The following PRKG1 variants were observed in gnomAD, a reference collection of about 807,000 sequenced individuals.
PRKG1 encodes the protein protein kinase cGMP-dependent 1.
PRKG1 carries 35 observed loss-of-function variants against 88.1 expected under a neutral mutation model. That is an observed-to-expected ratio of 0.40 (90% CI 0.30 to 0.53). The LOEUF (loss-of-function observed/expected upper bound fraction) is 0.53, where lower values mean the gene tolerates loss of function less well. Among genes scored for constraint, PRKG1 ranks in the 20% least tolerant of loss-of-function variants. PRKG1 has a pLI of 0.59. For synonymous variants in PRKG1, 303 were observed against 292.5 expected, an observed-to-expected ratio of 1.04 and a Z score of -0.37; for missense variants, 540 against 839.8, an observed-to-expected ratio of 0.64 and a Z score of 4.41.
chr10:51,296,074 G>A (rs1482622415), intron 2 of PRKG1, among the ~76,000 whole-genome samples: 1 of 151,940 alleles, frequency 6.6e-6, no homozygotes, highest in Non-Finnish European at 1.5e-5. Flanking sequence ...AATGCTGTTT[G>A]CTAGTATTTT....
chr10:51,971,759 G>A (rs1426018529), intron 5 of PRKG1, among the ~76,000 whole-genome samples: 4 of 151,956 alleles, frequency 2.6e-5, no homozygotes, highest in African/African-American at 7.3e-5. Flanking sequence ...TTTTATTATA[G>A]CACCTTGTCA....
chr10:52,038,695 C>T (rs1002464987), intron 5 of PRKG1, among the ~76,000 whole-genome samples: 18 of 152,100 alleles, frequency 1.2e-4, no homozygotes, highest in African/African-American at 2.7e-4. Flanking sequence ...CCAAGGCAGG[C>T]GTCCCTGCGT....
chr10:51,984,517 C>T (rs1402084504), intron 5 of PRKG1, among the ~76,000 whole-genome samples: 1 of 152,070 alleles, frequency 6.6e-6, no homozygotes, highest in Non-Finnish European at 1.5e-5. Flanking sequence ...CTCAATTGTG[C>T]TTGTGTTATA....
intron 2 of PRKG1, among the ~76,000 whole-genome samples, chr10:51,359,864 A>C (rs572699216): frequency 6.6e-6 from 1 of 151,950 alleles, no homozygotes; most frequent in Non-Finnish European, 1.5e-5. Flanking sequence ...TTTAATGCAG[A>C]TATGTCAGAC....
intron 2 of PRKG1, among the ~76,000 whole-genome samples, chr10:51,416,572 G>T (rs1157396026): frequency 6.6e-6 from 1 of 152,078 alleles, no homozygotes; most frequent in African/African-American, 2.4e-5. Flanking sequence ...ACATAAAATA[G>T]AAATAAAATA....
At chr10:51,948,294 T>C (rs113539538) in intron 5 of PRKG1, among the ~76,000 whole-genome samples, 237 of 152,290 alleles carry the variant, frequency 1.6e-3, no homozygotes, top group African/African-American at 5.4e-3. Context: ...TGACTGATAT[T>C]TACATTCCTA....
intron 2 of PRKG1, among the ~76,000 whole-genome samples, chr10:51,184,074 A>G (rs910671902): frequency 1.3e-5 from 2 of 152,164 alleles, no homozygotes; most frequent in Admixed American, 6.5e-5. Flanking sequence ...TGTCTCAGCC[A>G]TGTCTTATAG....
intron 1 of PRKG1, among the ~76,000 whole-genome samples, chr10:51,046,132 T>C (rs1256161093): frequency 6.6e-6 from 1 of 152,270 alleles, no homozygotes; most frequent in Admixed American, 6.5e-5. Context: ...TGAAAACTTC[T>C]TCCAGTATGT....
chr10:52,198,809 TGTGA>T (rs1274414605), intron 9 of PRKG1, among the ~76,000 whole-genome samples: 1 of 81,042 alleles, frequency 1.2e-5, no homozygotes. Flanking sequence ...CCTTTTGGGG[TGTGA>T]GTGTGTGTGT....
chr10:52,197,073 G>T (rs1241658358), intron 9 of PRKG1, among the ~76,000 whole-genome samples: 1 of 152,106 alleles, frequency 6.6e-6, no homozygotes, highest in Non-Finnish European at 1.5e-5. Flanking sequence ...AACACTTGTA[G>T]GTTTCCATTT....
intron 8 of PRKG1, among the ~76,000 whole-genome samples, chr10:52,143,206 C>G (rs750272575): frequency 2.0e-5 from 3 of 152,158 alleles, no homozygotes; most frequent in Admixed American, 6.6e-5. Context: ...CACCTCCCTT[C>G]TTGCCACCCC....
intron 3 of PRKG1, among the ~76,000 whole-genome samples, chr10:51,727,762 A>G (rs1167016065): frequency 6.6e-6 from 1 of 152,110 alleles, no homozygotes; most frequent in Non-Finnish European, 1.5e-5. Context: ...GACTGTTTAA[A>G]CCTATATTAT....
intron 5 of PRKG1, among the ~76,000 whole-genome samples, chr10:51,946,924 C>G (rs375648646): frequency 6.6e-6 from 1 of 152,088 alleles, no homozygotes; most frequent in Non-Finnish European, 1.5e-5. Context: ...AGGGACCCAC[C>G]TGAGGAGGCA....
intron 4 of PRKG1, among the ~76,000 whole-genome samples, chr10:51,806,272 A>G (rs916621134): frequency 4.1e-4 from 62 of 152,308 alleles, no homozygotes; most frequent in African/African-American, 1.4e-3. Context: ...TTTAGCTTCC[A>G]TAAGTTTGTT....
intron 3 of PRKG1, among the ~76,000 whole-genome samples, chr10:51,478,506 T>G (rs1013383889): frequency 6.6e-6 from 1 of 152,094 alleles, no homozygotes; most frequent in Admixed American, 6.6e-5. Context: ...ATTGTATAAT[T>G]TTATATCCTT....
chr10:51,262,093 A>G (rs974176488), intron 2 of PRKG1, among the ~76,000 whole-genome samples: 1 of 151,656 alleles, frequency 6.6e-6, no homozygotes, highest in African/African-American at 2.4e-5. Context: ...TCACTGTGTT[A>G]GCCAGGATGG....
intron 9 of PRKG1, among the ~76,000 whole-genome samples, chr10:52,202,216 C>T (rs546186933): frequency 6.6e-6 from 1 of 152,146 alleles, no homozygotes; most frequent in African/African-American, 2.4e-5. Flanking sequence ...GAAGTATGTT[C>T]CTTCAATGCC....
intron 3 of PRKG1, among the ~76,000 whole-genome samples, chr10:51,570,251 C>A (rs143164101): frequency 1.2e-3 from 177 of 151,808 alleles, no homozygotes; most frequent in Non-Finnish European, 2.2e-3. Flanking sequence ...TCAAATTGAA[C>A]TACTAGTAGC....
At chr10:51,495,808 C>G (rs190999963) in intron 3 of PRKG1, among the ~76,000 whole-genome samples, 1 of 152,138 alleles carries the variant, frequency 6.6e-6, no homozygotes, top group Non-Finnish European at 1.5e-5. Flanking sequence ...CCAACATGAA[C>G]TATAAAAGGA....
Sources: allele counts gnomAD v4.1 joint callset (sites outside exome capture counted in the v4.1 genomes callset), GRCh38; gene constraint gnomAD v4.1.1; transcripts MANE v1.5; gene names NCBI Gene and HGNC (gene_info 2026-07-23, HGNC 2026-07-21).